FIRRM: variants seen among roughly 807,000 people sequenced by gnomAD.
FIRRM encodes FIGNL1 interacting regulator of recombination and mitosis, also known as FIGNL1-interacting regulator of recombination and mitosis.
chr1:169,852,702 AT>A, the FIRRM span: 5 of 1,354,408 alleles, frequency 3.7e-6, no homozygotes, highest in Non-Finnish European at 5.2e-6. Context: ...CTAGAATAAA[AT>A]TTGCATGTAA....
At chr1:169,853,608 A>C in the FIRRM span, 1 of 1,209,874 alleles carries the variant, frequency 8.3e-7, no homozygotes, top group Non-Finnish European at 1.2e-6. Context: ...GGATGGGAAA[A>C]GCAGGCCACT....
chr1:169,853,318 GTA>G, the FIRRM span: 1 of 333,578 alleles, frequency 3.0e-6, no homozygotes, highest in Non-Finnish European at 5.4e-6. Flanking sequence ...TTTTAAAGTT[GTA>G]TTTCATAATA....
At chr1:169,795,974 G>T in the FIRRM span, 1 of 985,198 alleles carries the variant, frequency 1.0e-6, no homozygotes, top group Non-Finnish European at 1.2e-6. Flanking sequence ...TGGAATCCTA[G>T]CCTTTCATGG....
At chr1:169,839,794 T>C in the FIRRM span, among the ~76,000 whole-genome samples, 2 of 152,336 alleles carry the variant, frequency 1.3e-5, no homozygotes, top group Admixed American at 1.3e-4. Context: ...ATTGGTGTCT[T>C]TCTCAAGGCT....
the FIRRM span, among the ~76,000 whole-genome samples, chr1:169,807,417 T>G: frequency 6.6e-5 from 10 of 152,210 alleles, no homozygotes; most frequent in East Asian, 1.2e-3. Context: ...ACTCTGTCAT[T>G]TGACAAATCA....
At chr1:169,829,523 A>G in the FIRRM span, 1 of 1,377,360 alleles carries the variant, frequency 7.3e-7, no homozygotes, top group Admixed American at 2.4e-5. Flanking sequence ...TGATTCATAT[A>G]CAGAAGAAAA....
chr1:169,840,139 T>G, the FIRRM span, among the ~76,000 whole-genome samples: 1 of 152,146 alleles, frequency 6.6e-6, no homozygotes, highest in African/African-American at 2.4e-5. Flanking sequence ...TATAGTATAG[T>G]TTCAAGTCAA....
the FIRRM span, among the ~76,000 whole-genome samples, chr1:169,819,891 C>T: frequency 2.6e-5 from 4 of 152,138 alleles, no homozygotes; most frequent in Non-Finnish European, 4.4e-5. Context: ...GAACCCGGGC[C>T]GCCAGCCATT....
At chr1:169,800,698 G>A in the FIRRM span, among the ~76,000 whole-genome samples, 2 of 142,472 alleles carry the variant, frequency 1.4e-5, no homozygotes, top group East Asian at 4.1e-4. Flanking sequence ...TGGATATGTA[G>A]GTCGTTTCCT....
chr1:169,793,847 G>T, the FIRRM span: 1 of 540,560 alleles, frequency 1.8e-6, no homozygotes, highest in Non-Finnish European at 3.0e-6. Context: ...AATATTTAGA[G>T]ATATTTCCAA....
chr1:169,827,151 C>T, the FIRRM span: 1 of 1,613,680 alleles, frequency 6.2e-7, no homozygotes, highest in African/African-American at 1.3e-5. Context: ...TATCAGTCAG[C>T]TGCTCACATT....
chr1:169,790,831 T>C, the FIRRM span, among the ~76,000 whole-genome samples: 1 of 152,216 alleles, frequency 6.6e-6, no homozygotes, highest in African/African-American at 2.4e-5. Flanking sequence ...ATTGTAGCTG[T>C]GGCATTTTCA....
chr1:169,849,373 T>A, the FIRRM span: 1 of 657,234 alleles, frequency 1.5e-6, no homozygotes, highest in East Asian at 2.7e-5. Flanking sequence ...CTAATATGTT[T>A]TAGTGTGTGT....
At chr1:169,791,012 C>T in the FIRRM span, among the ~76,000 whole-genome samples, 2 of 152,202 alleles carry the variant, frequency 1.3e-5, no homozygotes, top group African/African-American at 4.8e-5. Context: ...AGCTAGATCC[C>T]TCACACATGC....
chr1:169,790,664 T>C, the FIRRM span, among the ~76,000 whole-genome samples: 1 of 152,166 alleles, frequency 6.6e-6, no homozygotes, highest in African/African-American at 2.4e-5. Flanking sequence ...TCATTAAAAG[T>C]CTAATTCTCT....
At chr1:169,853,228 T>TCTAA in the FIRRM span, 928 of 498,768 alleles carry the variant, frequency 1.9e-3, 6 homozygotes, top group South Asian at 3.7e-3. Context: ...ACTCAGATAG[T>TCTAA]CTAACTGTAA....
At chr1:169,845,152 G>A in the FIRRM span, among the ~76,000 whole-genome samples, 2 of 152,126 alleles carry the variant, frequency 1.3e-5, no homozygotes, top group African/African-American at 2.4e-5. Flanking sequence ...AAGTGAGTGA[G>A]TCACATGAAT....
chr1:169,850,980 C>CTTTTTTTTTTT, the FIRRM span: 11 of 31,578 alleles, frequency 3.5e-4, 3 homozygotes, highest in East Asian at 9.7e-3. Flanking sequence ...TTAGGCATGG[C>CTTTTTTTTTTT]TTTTTTTTTT....
At chr1:169,810,826 A>G in the FIRRM span, among the ~76,000 whole-genome samples, 1 of 108,176 alleles carries the variant, frequency 9.2e-6, no homozygotes, top group African/African-American at 3.5e-5. Flanking sequence ...ATAGTTCTTT[A>G]GCCCCCAATT....
Sources: gnomAD v4.1 joint callset for allele counts (sites outside exome capture counted in the v4.1 genomes callset) on GRCh38, gnomAD v4.1.1 for gene constraint, MANE v1.5 for transcripts, NCBI Gene and HGNC (gene_info 2026-07-23, HGNC 2026-07-21) for gene names.